The following PEAK1 variants were observed in gnomAD, a reference collection of about 807,000 sequenced individuals.
The protein encoded by PEAK1 is inactive tyrosine-protein kinase PEAK1.
Under a neutral mutation model 124.7 loss-of-function variants are expected in PEAK1, and 54 were observed. The ratio of observed to expected loss-of-function variants is 0.43; its 90% CI spans 0.35 to 0.54. The LOEUF (loss-of-function observed/expected upper bound fraction) is 0.54, where lower values mean the gene tolerates loss of function less well. Among genes scored for constraint, PEAK1 ranks in the 20% least tolerant of loss-of-function variants. The pLI is 0.01. For synonymous variants in PEAK1, 719 were observed against 760.0 expected, an observed-to-expected ratio of 0.95 and a Z score of 0.89; for missense variants, 2,046 against 2,134.5, an observed-to-expected ratio of 0.96 and a Z score of 0.82.
chr15:77,173,809 C>G (rs574659869), intron 7 of PEAK1, among the ~76,000 whole-genome samples: 1 of 152,202 alleles, frequency 6.6e-6, no homozygotes, highest in Non-Finnish European at 1.5e-5. Flanking sequence ...AGCCAGCTGG[C>G]AAAATCCTAT....
rs1202060548 is a variant in PEAK1 at position 77,318,563 on chromosome 15, C to T, written c.-602-32059G>A. On this transcript the variant is annotated intron_variant, in intron 2 of 9. Coordinates refer to ENST00000682557, the MANE Select transcript of PEAK1 (RefSeq NM_001385026.1). ...TCTCAGGCAGGCAGTAAGCTTCTCA[C>T]TGGAGGTATGTGAACAGAGAGAATG... is the stretch of plus-strand genomic sequence containing the variant. Among the ~76,000 whole-genome samples the T allele has an allele frequency of 2.6e-5, 4 of 151,946 alleles. No individual in the cohort carries two copies. In the East Asian group the frequency reaches 7.7e-4, roughly 29 times the overall value.
intron 2 of PEAK1, among the ~76,000 whole-genome samples, chr15:77,317,849 C>T (rs1156300315): frequency 6.6e-6 from 1 of 152,102 alleles, no homozygotes; most frequent in Non-Finnish European, 1.5e-5. Context: ...GAACACCAAC[C>T]AGCATAACTA....
intron 6 of PEAK1, among the ~76,000 whole-genome samples, chr15:77,216,826 C>A (rs557474692): frequency 2.7e-4 from 41 of 152,198 alleles, no homozygotes; most frequent in African/African-American, 9.6e-4. Flanking sequence ...AGATCAGCTG[C>A]GGACAAGAGC....
At chr15:77,354,504 T>A (rs942253678) in intron 2 of PEAK1, among the ~76,000 whole-genome samples, 1 of 152,170 alleles carries the variant, frequency 6.6e-6, no homozygotes, top group Admixed American at 6.6e-5. Context: ...CATGTTAATC[T>A]CCTGGTGAGA....
chr15:77,263,512 G>A, intron 5 of PEAK1, among the ~76,000 whole-genome samples: 1 of 152,142 alleles, frequency 6.6e-6, no homozygotes, highest in South Asian at 2.1e-4. Flanking sequence ...TAGAATAAAT[G>A]GATAAATTCC....
intron 6 of PEAK1, among the ~76,000 whole-genome samples, chr15:77,194,424 G>A (rs1187955517): frequency 2.0e-5 from 3 of 152,194 alleles, no homozygotes; most frequent in Admixed American, 2.0e-4. Context: ...TTTGTGATCT[G>A]CTACTGACTT....
chr15:77,408,628 T>C (rs1401540574), intron 1 of PEAK1, among the ~76,000 whole-genome samples: 1 of 152,108 alleles, frequency 6.6e-6, no homozygotes, highest in Non-Finnish European at 1.5e-5. Context: ...TTTTCTACTG[T>C]TTCTCCAATG....
intron 2 of PEAK1, among the ~76,000 whole-genome samples, chr15:77,322,985 A>G (rs1200918518): frequency 5.3e-5 from 8 of 152,230 alleles, no homozygotes; most frequent in Non-Finnish European, 1.2e-4. Flanking sequence ...CAACATACAC[A>G]AATCAATAAA....
chr15:77,302,243 T>G (rs1014724136), intron 2 of PEAK1, among the ~76,000 whole-genome samples: 8 of 152,194 alleles, frequency 5.3e-5, no homozygotes, highest in Non-Finnish European at 7.4e-5. Flanking sequence ...TTGCTTCTAG[T>G]ACACATTGAC....
chr15:77,189,347 G>A (rs1014917789), intron 6 of PEAK1, among the ~76,000 whole-genome samples: 1 of 152,208 alleles, frequency 6.6e-6, no homozygotes, highest in Non-Finnish European at 1.5e-5. Flanking sequence ...ATGAATGCAT[G>A]CATGCACGTA....
At position 77,341,133 on chromosome 15, in the gene PEAK1, G is replaced by C. The variant is rs924309192; in HGVS notation, c.-603+24030C>G. 2.6e-5 allele frequency among the ~76,000 whole-genome samples: 4 copies of C among 152,178 alleles called. No individual in the cohort carries two copies. The South Asian group carries it at 8.3e-4, about 32-fold the overall frequency. On this transcript the variant is annotated intron_variant, in intron 2 of 9. Transcript: ENST00000682557. Reference sequence around the variant, plus strand: ...AGGACAAGGTCTTAGAGGGTCCGAAGTGCAGAGTTTCTATGCCCTTTCCCC... The same window carrying C: ...AGGACAAGGTCTTAGAGGGTCCGAACTGCAGAGTTTCTATGCCCTTTCCCC...
At chr15:77,190,132 T>TA (rs1362655682) in intron 6 of PEAK1, among the ~76,000 whole-genome samples, 2 of 152,186 alleles carry the variant, frequency 1.3e-5, no homozygotes, top group African/African-American at 4.8e-5. Context: ...CAGGAGGCAT[T>TA]ATTTTTCCAA....
intron 1 of PEAK1, among the ~76,000 whole-genome samples, chr15:77,376,943 G>A (rs897085158): frequency 1.3e-5 from 2 of 152,256 alleles, no homozygotes; most frequent in African/African-American, 4.8e-5. Flanking sequence ...TGCAAACATC[G>A]TAGACTGTAT....
intron 6 of PEAK1, among the ~76,000 whole-genome samples, chr15:77,196,975 T>C: frequency 6.6e-6 from 1 of 151,704 alleles, no homozygotes; most frequent in Non-Finnish European, 1.5e-5. Context: ...CTCAGCCTCC[T>C]GAGTAGCTGG....
At chr15:77,227,737 C>T (rs2059739241) in intron 6 of PEAK1, among the ~76,000 whole-genome samples, 1 of 152,098 alleles carries the variant, frequency 6.6e-6, no homozygotes, top group Non-Finnish European at 1.5e-5. Flanking sequence ...GTTGCTCATG[C>T]CTGTAATCCC....
chr15:77,356,733 G>T (rs563163663), intron 2 of PEAK1, among the ~76,000 whole-genome samples: 2 of 152,264 alleles, frequency 1.3e-5, no homozygotes, highest in East Asian at 1.9e-4. Context: ...CTCAAGGTGT[G>T]CATATATAGA....
upstream of PEAK1, chr15:77,420,132 G>T: frequency 6.7e-6 from 1 of 150,176 alleles, no homozygotes; most frequent in South Asian, 1.8e-4. Flanking sequence ...TACTCGCCGC[G>T]GCCGAGTCCA....
intron 1 of PEAK1, chr15:77,401,612 A>T (rs1343004283): frequency 1.0e-6 from 1 of 984,540 alleles, no homozygotes. Context: ...AGCTACAAAC[A>T]TATCTTTGTA....
intron 6 of PEAK1, among the ~76,000 whole-genome samples, chr15:77,236,942 T>C (rs1596786126): frequency 6.6e-6 from 1 of 152,174 alleles, no homozygotes; most frequent in South Asian, 2.1e-4. Flanking sequence ...TGCTTCCCCT[T>C]CGCCTTCTGC....
Sources: allele counts gnomAD v4.1 joint callset (sites outside exome capture counted in the v4.1 genomes callset), GRCh38; gene constraint gnomAD v4.1.1; transcripts MANE v1.5; gene names NCBI Gene and HGNC (gene_info 2026-07-23, HGNC 2026-07-21).